The following SLC45A4 variants were observed in gnomAD, a reference collection of about 807,000 sequenced individuals.
SLC45A4 encodes the protein polyamine-transporter SLC45A4.
SLC45A4 carries 32 observed loss-of-function variants against 63.7 expected under a neutral mutation model. That is an observed-to-expected ratio of 0.50 (90% CI 0.38 to 0.67). The LOEUF is 0.67. SLC45A4 is among the 30% of genes least tolerant of loss of function. SLC45A4 has a pLI of 0.00. For synonymous variants in SLC45A4, 535 were observed against 510.0 expected (o/e 1.05, Z -0.66); for missense variants, 1,027 against 1,157.7 (o/e 0.89, Z 1.64).
intron 7 of SLC45A4, among the ~76,000 whole-genome samples, chr8:141,214,953 G>A (rs941836138): frequency 1.3e-5 from 2 of 152,214 alleles, no homozygotes; most frequent in Admixed American, 1.3e-4. Context: ...CACAACAGGA[G>A]GTGTTTGTGG....
In SLC45A4 at chr8:141,254,884, C is replaced by A; in HGVS notation, c.-400-255G>T. 2.5e-6 allele frequency: 1 copy of A among 398,492 alleles called. No individual in the cohort carries two copies. Among genetic ancestry groups the A allele is most frequent in the East Asian group, 6.2e-5 (1 of 16,042 alleles). The allele number at this position is 398,492 out of a possible 1,614,324, so 24.7% of individuals were successfully genotyped here. On this transcript the variant is annotated intron_variant, in intron 1 of 8. Transcript: ENST00000517878. The surrounding 1 kb of genome is among the most constrained non-coding windows in gnomAD (Gnocchi z 4.5). ...AATCAAGGAAAGCAGGATCAAAGAACAGACAGAGAAAAACGCTGGAAATAT... is the reference window on the plus strand; with the variant it reads ...AATCAAGGAAAGCAGGATCAAAGAAAAGACAGAGAAAAACGCTGGAAATAT...
rs1049181128 is a variant in SLC45A4, at chr8:141,217,154, G to A, written c.1665C>T (p.Asn555=). The part of the protein sequence containing the change: ...PSNSTAWQAY[N]AGVKMGCWGL... Reference sequence around the variant, plus strand: ...CCCAGCAGCCCATCTTGACCCCGGCGTTGTAGGCTTGCCAGGCGGTCGAGT... The same window carrying A: ...CCCAGCAGCCCATCTTGACCCCGGCATTGTAGGCTTGCCAGGCGGTCGAGT... The change falls in exon 6 of 9, where the codon AAC becomes AAT. Residue 555 remains asparagine (N), a synonymous_variant. Transcript: ENST00000517878. 1.7e-5 allele frequency: 28 copies of A among 1,613,876 alleles called. No homozygotes were observed. The highest frequency in any genetic ancestry group is 2.2e-5 in the East Asian group (1 of 44,890).
chr8:141,249,307 AAT>A (rs1828360335), intron 2 of SLC45A4, among the ~76,000 whole-genome samples: 2 of 152,184 alleles, frequency 1.3e-5, no homozygotes, highest in African/African-American at 4.8e-5. Flanking sequence ...CAGCCTCCAA[AAT>A]GGAAACCACC....
At chr8:141,234,585 G>A (rs1247891593) in intron 2 of SLC45A4, among the ~76,000 whole-genome samples, 1 of 152,222 alleles carries the variant, frequency 6.6e-6, no homozygotes, top group Non-Finnish European at 1.5e-5. Flanking sequence ...GTCCAGAGGT[G>A]GGCAGGGAGT....
chr8:141,219,807 G>T lies in SLC45A4; in HGVS notation c.453C>A (p.Pro151=), dbSNP rs748111050. The change falls in exon 4 of 9, where the codon CCC becomes CCA. Residue 151 remains proline (P), a synonymous_variant. Transcript: ENST00000517878. ...GCACGATGCCAATGGGCTGCCGGTT[G>T]GGGACATCGCCGAGGGCCAGACCTG... ...SAIGLALGDV[P]NRQPIGIVLT... 1 of 1,589,050 alleles carries T rather than the reference G, an allele frequency of 6.3e-7. No individual in the cohort carries two copies. The highest frequency in any genetic ancestry group is 1.8e-5 in the Admixed American group (1 of 56,754).
intron 2 of SLC45A4, chr8:141,253,123 A>G (rs1393590135): frequency 1.5e-5 from 2 of 136,428 alleles, no homozygotes; most frequent in Non-Finnish European, 3.1e-5. Context: ...GTGTCTGTGA[A>G]TTTCCGTGTT....
chr8:141,239,594 A>ACACACGCACACGCACGCACACACG (rs149028516), intron 2 of SLC45A4, among the ~76,000 whole-genome samples: 1 of 151,736 alleles, frequency 6.6e-6, no homozygotes, highest in Non-Finnish European at 1.5e-5. Context: ...ACACACACAC[A>ACACACGCACACGCACGCACACACG]CACACGCACG....
Position 141,221,768 on chromosome 8 carries a change from G to C in SLC45A4, c.242-3C>G, listed in dbSNP as rs1490498750. 1 of 1,611,916 alleles carries C rather than the reference G, an allele frequency of 6.2e-7. No homozygotes were observed. Among genetic ancestry groups the C allele is most frequent in the Non-Finnish European group, 8.5e-7 (1 of 1,178,986 alleles). On this transcript the variant is annotated splice_polypyrimidine_tract_variant and splice_region_variant and intron_variant, in intron 2 of 8. Transcript: ENST00000517878. ...GCTGTAGTACTGCTCCGGAAGGCCTGCAAGGGACACGAGGGCCGTCGCACA... is the reference window on the plus strand; with the variant it reads ...GCTGTAGTACTGCTCCGGAAGGCCTCCAAGGGACACGAGGGCCGTCGCACA...
chr8:141,240,237 C>T (rs761340806), intron 2 of SLC45A4, among the ~76,000 whole-genome samples: 23 of 152,224 alleles, frequency 1.5e-4, no homozygotes, highest in Admixed American at 3.3e-4. Flanking sequence ...CTATTGCTCA[C>T]GATCTTCGTC....
rs1830963794 is a variant in SLC45A4, at chr8:141,308,213, C to CG, written c.-519dup. 5 of 147,072 alleles carry CG rather than the reference C, an allele frequency of 3.4e-5. No homozygotes were observed. Among genetic ancestry groups the CG allele is most frequent in the African/African-American group, 1.2e-4 (5 of 40,746 alleles). The allele number at this position is 147,072 out of a possible 1,614,324, so 9.1% of individuals were successfully genotyped here. On this transcript the variant is annotated 5_prime_UTR_variant, in exon 1 of 9. Coordinates refer to ENST00000517878, the MANE Select transcript of SLC45A4 (RefSeq NM_001286646.2). Reference sequence around the variant, plus strand: ...GTCGGGAGGCGGCTGCGGGTCCGGGCGGGGGCTGCTCCCTCGGCCGGCCGG... The same window carrying CG: ...GTCGGGAGGCGGCTGCGGGTCCGGGCGGGGGGCTGCTCCCTCGGCCGGCCGG...
Position 141,256,715 on chromosome 8 carries a change from CG to C in SLC45A4, c.-400-2087del, listed in dbSNP as rs762096755. Reference sequence around the variant, plus strand: ...GTATTTGCTTCTTACGTCCCCTGAACGTCGCTACGATTCCACACGACAGCCC... The same window carrying C: ...GTATTTGCTTCTTACGTCCCCTGAACTCGCTACGATTCCACACGACAGCCC... On this transcript the variant is annotated intron_variant, in intron 1 of 8. Transcript: ENST00000517878. This position sits in a 1 kb window ranked among gnomAD's most constrained non-coding sequence, Gnocchi z 4.3. The C allele has an allele frequency of 6.8e-6, 3 of 438,884 alleles. No homozygotes were observed. Among genetic ancestry groups the C allele is most frequent in the South Asian group, 4.7e-5 (3 of 63,878 alleles). The allele number at this position is 438,884 out of a possible 1,614,324, so 27.2% of individuals were successfully genotyped here. A position where few individuals can be genotyped will look rare whatever the true frequency, so the allele number is the denominator to read the frequency against.
At chr8:141,252,731 CCGTGTTTT>C (rs1828544751) in intron 2 of SLC45A4, among the ~76,000 whole-genome samples, 1 of 117,288 alleles carries the variant, frequency 8.5e-6, no homozygotes, top group African/African-American at 3.7e-5. Context: ...CTGTGAATTT[CCGTGTTTT>C]CATGCCCACC....
rs749801801 is a variant in SLC45A4, at chr8:141,219,638, C to T, written c.610+12G>A. On this transcript the variant is annotated intron_variant, in intron 4 of 8. Transcript: ENST00000517878. ...GGAACCCGGCCACCCAGCCTTGGTG[C>T]GGCAGCGTTACCGGCAGAGAAGGCG... 40 of 1,595,744 alleles carry T rather than the reference C, an allele frequency of 2.5e-5. No individual in the cohort carries two copies. Among genetic ancestry groups the T allele is most frequent in the Middle Eastern group, 1.7e-4 (1 of 6,010 alleles).
intron 3 of SLC45A4, among the ~76,000 whole-genome samples, chr8:141,220,626 T>C (rs1021835935): frequency 2.0e-5 from 3 of 152,246 alleles, no homozygotes; most frequent in African/African-American, 2.4e-5. Flanking sequence ...GACCCAGGCC[T>C]GAACACAGAC....
chr8:141,279,411 C>A (rs1216193391), intron 1 of SLC45A4, among the ~76,000 whole-genome samples: 1 of 152,252 alleles, frequency 6.6e-6, no homozygotes, highest in South Asian at 2.1e-4. Context: ...TTCCTTTACA[C>A]CTGCAATCCC....
intron 2 of SLC45A4, among the ~76,000 whole-genome samples, chr8:141,238,974 T>C (rs938542401): frequency 6.6e-6 from 1 of 152,154 alleles, no homozygotes; most frequent in Admixed American, 6.5e-5. Context: ...TCAACAGCAG[T>C]TTCCAGCTCA....
chr8:141,218,971 C>A lies in SLC45A4; in HGVS notation c.669G>T (p.Leu223=). The A allele has an allele frequency of 6.2e-7, 1 of 1,613,476 alleles. No individual in the cohort carries two copies. The highest frequency in any genetic ancestry group is 8.5e-7 in the Non-Finnish European group (1 of 1,179,918). The change falls in exon 5 of 9, where the codon CTG becomes CTT. Residue 223 remains leucine, a synonymous_variant. Coordinates refer to ENST00000517878, the MANE Select transcript of SLC45A4 (RefSeq NM_001286646.2). ...LGGLDWTQTF[L]GSWFRTQNQV... is the part of the protein sequence containing the mutation. ...GGTTCTGGGTCCGGAACCAGCTGCC[C>A]AGGAAGGTCTGGGTCCAGTCCAGCC...
chr8:141,228,072 G>T, intron 2 of SLC45A4: 1 of 1,358,356 alleles, frequency 7.4e-7, no homozygotes, highest in African/African-American at 1.4e-5. Flanking sequence ...TGAGGGGAGA[G>T]CTGTGTGGAG....
At chr8:141,213,345 A>G (rs532154209) in intron 7 of SLC45A4, among the ~76,000 whole-genome samples, 1 of 152,342 alleles carries the variant, frequency 6.6e-6, no homozygotes, top group South Asian at 2.1e-4. Context: ...CCACAAAGGA[A>G]GCCTCAGCTA....
Sources: gnomAD v4.1 joint callset for allele counts (sites outside exome capture counted in the v4.1 genomes callset) on GRCh38, gnomAD v4.1.1 for gene constraint, Gnocchi (gnomAD v3.1) non-coding constraint, MANE v1.5 for transcripts, NCBI Gene and HGNC (gene_info 2026-07-23, HGNC 2026-07-21) for gene names.